HDGFL2: variants seen among roughly 807,000 people sequenced by gnomAD.
HDGFL2 encodes the protein HDGF like 2, also known as hepatoma-derived growth factor-related protein 2.
In HDGFL2, 36 loss-of-function variants were observed where a neutral mutation model predicts 77.1. The observed-to-expected ratio is 0.47, with a 90% CI of 0.36 to 0.62. The LOEUF is 0.62. HDGFL2 is among the 20% of genes least tolerant of loss of function. The pLI is 0.00. For missense variants in HDGFL2, 976 were observed against 973.4 expected (o/e 1.00, Z -0.04); for synonymous variants, 463 against 413.1 (o/e 1.12, Z -1.46).
Position 4,501,894 on chromosome 19 carries a change from T to G in HDGFL2, c.1917-17T>G, listed in dbSNP as rs1388411485. Reference sequence around the variant, plus strand: ...GGCGGGAGGGCATCCTCACACCGCCTTTGCTGTTCCCACCAGCAGCGTACG... The same window carrying G: ...GGCGGGAGGGCATCCTCACACCGCCGTTGCTGTTCCCACCAGCAGCGTACG... On this transcript the variant is annotated splice_polypyrimidine_tract_variant and intron_variant, in intron 15 of 15. Transcript: ENST00000616600. The G allele has an allele frequency of 7.0e-7, 1 of 1,431,302 alleles. No individual in the cohort carries two copies. Among genetic ancestry groups the G allele is most frequent in the South Asian group, 1.5e-5 (1 of 65,360 alleles). 88.7% of individuals were successfully genotyped at this position (1,431,302 alleles called of 1,614,324 possible).
Position 4,499,583 on chromosome 19 carries a change from G to C in HDGFL2, c.1668G>C (p.Glu556Asp). The C allele has an allele frequency of 6.2e-7, 1 of 1,612,476 alleles. No homozygotes were observed. The highest frequency in any genetic ancestry group is 8.5e-7 in the Non-Finnish European group (1 of 1,179,386). The change falls in exon 14 of 16, where the codon GAG becomes GAC. Residue 556 changes from glutamate to aspartate, a missense_variant. Transcript: ENST00000616600. ...CGCGGGTCCTCGGCCCAAAGATCGA[G>C]GCGGTGCAGAAAGTGAACAAGGCTG... The part of the protein sequence containing the change: ...LKSRVLGPKI[E>D]AVQKVNKAGM...
chr19:4,486,893 G>A (rs1353007517), intron 3 of HDGFL2, among the ~76,000 whole-genome samples: 3 of 151,962 alleles, frequency 2.0e-5, no homozygotes, highest in Non-Finnish European at 4.4e-5. Context: ...CCATGCTTCT[G>A]ACAACTCCTC....
chr19:4,498,766 G>T, intron 12 of HDGFL2, 48 bp from the exon 13 acceptor site: 1 of 1,338,788 alleles, frequency 7.5e-7, no homozygotes, highest in South Asian at 1.2e-5. Flanking sequence ...GGGACCCCTG[G>T]GGATCCCTTG....
chr19:4,479,852 G>A (rs1408857515), intron 3 of HDGFL2, among the ~76,000 whole-genome samples: 4 of 150,652 alleles, frequency 2.7e-5, no homozygotes, highest in Non-Finnish European at 5.9e-5. Context: ...GTTGCAGTGA[G>A]CTGAGATGCT....
At position 4,502,086 on chromosome 19, in the gene HDGFL2, GCA is replaced by G. The variant is rs1975921182; in HGVS notation, c.*77_*78del. The G allele has an allele frequency of 5.8e-6, 6 of 1,040,612 alleles. No individual in the cohort carries two copies. Among genetic ancestry groups the G allele is most frequent in the Middle Eastern group, 3.9e-4 (2 of 5,110 alleles). The allele number at this position is 1,040,612 out of a possible 1,614,324, so 64.5% of individuals were successfully genotyped here. A position where few individuals can be genotyped will look rare whatever the true frequency, so the allele number is the denominator to read the frequency against. On this transcript the variant is annotated 3_prime_UTR_variant, in exon 16 of 16. Coordinates refer to ENST00000616600, the MANE Select transcript of HDGFL2 (RefSeq NM_001001520.3). ...CTTCCCCGGCTCGCAGGAGAGCAGAGCAGAGAACTGTGGGGAACGCTGTGCTG... is the reference window on the plus strand; with the variant it reads ...CTTCCCCGGCTCGCAGGAGAGCAGAGGAGAACTGTGGGGAACGCTGTGCTG...
chr19:4,474,149 G>A (rs2145146439), intron 1 of HDGFL2, among the ~76,000 whole-genome samples: 1 of 152,174 alleles, frequency 6.6e-6, no homozygotes, highest in South Asian at 2.1e-4. Context: ...GCTGAGGTTG[G>A]TGGAATTTGC....
intron 3 of HDGFL2, among the ~76,000 whole-genome samples, chr19:4,478,755 C>T (rs1241067478): frequency 6.6e-6 from 1 of 151,740 alleles, no homozygotes; most frequent in Admixed American, 6.6e-5. Context: ...GACCTCGGCT[C>T]ACTGCAACCT....
chr19:4,501,878 G>T (rs1218319516), intron 15 of HDGFL2, 33 bp from the exon 16 acceptor site: 7 of 1,395,496 alleles, frequency 5.0e-6, no homozygotes, highest in Middle Eastern at 2.6e-4. Flanking sequence ...GGGCGGGAGG[G>T]CATCCTCACA....
At chr19:4,501,764 G>A in intron 15 of HDGFL2, 147 bp from the exon 16 acceptor site, 1 of 587,586 alleles carries the variant, frequency 1.7e-6, no homozygotes, top group Non-Finnish European at 2.8e-6. Context: ...GTCTCTAGTG[G>A]CAGAAGACAG....
At chr19:4,490,807 CTTT>C (rs34565005) in intron 4 of HDGFL2, among the ~76,000 whole-genome samples, 2 of 144,930 alleles carry the variant, frequency 1.4e-5, no homozygotes, top group African/African-American at 5.1e-5. Flanking sequence ...TTTTTTTTCT[CTTT>C]TTTTTTTTTG....
chr19:4,477,153 C>G (rs1975093784), intron 3 of HDGFL2, among the ~76,000 whole-genome samples: 1 of 152,100 alleles, frequency 6.6e-6, no homozygotes, highest in Non-Finnish European at 1.5e-5. Flanking sequence ...TTGTTTCGGC[C>G]TGGGCTGGGT....
intron 6 of HDGFL2, among the ~76,000 whole-genome samples, chr19:4,492,989 A>AGT (rs368922117): frequency 6.4e-5 from 4 of 62,494 alleles, no homozygotes; most frequent in Middle Eastern, 0.017. Context: ...GTCTGTGTGT[A>AGT]GTGTGTGTGT....
At chr19:4,491,261 A>AC (rs1568211761) in intron 4 of HDGFL2, among the ~76,000 whole-genome samples, 8 of 22,736 alleles carry the variant, frequency 3.5e-4, no homozygotes, top group African/African-American at 1.1e-3. Context: ...CCACCCCCCC[A>AC]CCCCCCCACC....
At chr19:4,487,421 T>TTA (rs1975391281) in intron 3 of HDGFL2, among the ~76,000 whole-genome samples, 1 of 151,988 alleles carries the variant, frequency 6.6e-6, no homozygotes, top group African/African-American at 2.4e-5. Flanking sequence ...CACACCTTGC[T>TTA]AATATGTGCA....
intron 3 of HDGFL2, among the ~76,000 whole-genome samples, chr19:4,482,104 T>A (rs1157934776): frequency 7.4e-6 from 1 of 134,828 alleles, no homozygotes; most frequent in Middle Eastern, 3.9e-3. Flanking sequence ...GCGATCTCGG[T>A]TCACTGCAAG....
At position 4,488,895 on chromosome 19, in the gene HDGFL2, G is replaced by A. The variant is rs1975433497; in HGVS notation, c.489+19G>A. On this transcript the variant is annotated intron_variant, in intron 4 of 15. Coordinates refer to ENST00000616600, the MANE Select transcript of HDGFL2 (RefSeq NM_001001520.3). ...GCTAAAGGTAGGGGAGGACCAAGGT[G>A]GGCTGGCCCTTCATCCCCTTGCCCT... 1.3e-6 allele frequency: 2 copies of A among 1,546,612 alleles called. No homozygotes were observed. The highest frequency in any genetic ancestry group is 2.4e-5 in the South Asian group (2 of 83,948).
At chr19:4,497,882 C>T in intron 10 of HDGFL2, 76 bp from the exon 11 acceptor site, 1 of 1,333,498 alleles carries the variant, frequency 7.5e-7, no homozygotes. Context: ...GGTTTGGGTC[C>T]ACCCCTTCAG....
intron 7 of HDGFL2, 48 bp downstream of exon 7, chr19:4,493,910 C>T (rs374259882): frequency 4.3e-5 from 66 of 1,520,350 alleles, no homozygotes; most frequent in South Asian, 2.0e-4. Context: ...CCTGCCGGGG[C>T]GCTCCCAGGC....
At chr19:4,478,276 A>C (rs12609166) in intron 3 of HDGFL2, among the ~76,000 whole-genome samples, 103,525 of 148,010 alleles carry the variant, frequency 0.7, 36,533 homozygotes, top group Middle Eastern at 0.78. Flanking sequence ...GGTCTTGGCT[A>C]ATTGCAACCT....
Sources: gnomAD v4.1 joint callset for allele counts (sites outside exome capture counted in the v4.1 genomes callset) on GRCh38, gnomAD v4.1.1 for gene constraint, MANE v1.5 for transcripts, NCBI Gene and HGNC (gene_info 2026-07-23, HGNC 2026-07-21) for gene names.